The following KIF26B variants were observed in gnomAD, a reference collection of about 807,000 sequenced individuals.
KIF26B encodes kinesin-like protein KIF26B.
A neutral mutation model predicts 151.2 loss-of-function variants in KIF26B; 63 were observed. The ratio of observed to expected loss-of-function variants is 0.42; its 90% confidence interval spans 0.34 to 0.51. The LOEUF (loss-of-function observed/expected upper bound fraction) is 0.51, where lower values mean the gene tolerates loss of function less well. Among genes scored for constraint, KIF26B ranks in the 20% least tolerant of loss-of-function variants. The pLI, the probability that KIF26B is intolerant of heterozygous loss-of-function variation, is 0.07. For synonymous variants in KIF26B, 1,357 were observed against 1,262.1 expected (o/e 1.08, Z -1.59); for missense variants, 2,813 against 2,913.6 (o/e 0.97, Z 0.79).
At chr1:245,469,923 C>G (rs1170634426) in intron 4 of KIF26B, among the ~76,000 whole-genome samples, 2 of 151,646 alleles carry the variant, frequency 1.3e-5, no homozygotes, top group African/African-American at 4.9e-5. Context: ...TGGATTCATG[C>G]CAAATGAGTG....
intron 3 of KIF26B, among the ~76,000 whole-genome samples, chr1:245,416,280 CAAAAAAAA>C (rs34744401): frequency 1.9e-5 from 1 of 51,436 alleles, no homozygotes; most frequent in Non-Finnish European, 4.0e-5. Context: ...AACTCTGTCT[CAAAAAAAA>C]AAAAAAAAAA....
At chr1:245,453,941 C>T (rs1659455026) in intron 4 of KIF26B, among the ~76,000 whole-genome samples, 1 of 152,134 alleles carries the variant, frequency 6.6e-6, no homozygotes, top group Non-Finnish European at 1.5e-5. Context: ...TCAATATTCT[C>T]ATCATGTTCA....
intron 4 of KIF26B, among the ~76,000 whole-genome samples, chr1:245,460,774 CAT>C (rs1485170759): frequency 2.6e-5 from 4 of 152,232 alleles, no homozygotes; most frequent in Non-Finnish European, 5.9e-5. Context: ...CACCTGCACA[CAT>C]GTGTGCTTAC....
chr1:245,202,529 C>T (rs1022149731), intron 2 of KIF26B, among the ~76,000 whole-genome samples: 2 of 151,300 alleles, frequency 1.3e-5, no homozygotes, highest in African/African-American at 2.4e-5. Flanking sequence ...GGGGCCAAGG[C>T]GGGAGGATTC....
At chr1:245,343,351 G>A (rs984855670) in intron 2 of KIF26B, among the ~76,000 whole-genome samples, 1 of 150,990 alleles carries the variant, frequency 6.6e-6, no homozygotes, top group African/African-American at 2.4e-5. Context: ...ACATTAAAAA[G>A]TTCCATGCAA....
At chr1:245,499,750 G>A (rs904989762) in intron 4 of KIF26B, among the ~76,000 whole-genome samples, 1 of 152,222 alleles carries the variant, frequency 6.6e-6, no homozygotes, top group Non-Finnish European at 1.5e-5. Context: ...TGCTGTCCTG[G>A]GCCTGGAGGG....
intron 2 of KIF26B, among the ~76,000 whole-genome samples, chr1:245,273,431 A>C (rs551895862): frequency 2.6e-5 from 4 of 151,916 alleles, no homozygotes; most frequent in Middle Eastern, 3.4e-3. Flanking sequence ...AAAAAAAAAA[A>C]AAAAAAAAAA....
chr1:245,188,745 A>T (rs77233486), intron 2 of KIF26B, among the ~76,000 whole-genome samples: 1 of 152,358 alleles, frequency 6.6e-6, no homozygotes, highest in African/African-American at 2.4e-5. Context: ...CAGGGACTCA[A>T]ACAAATATCT....
chr1:245,549,556 A>T (rs764021614), intron 5 of KIF26B, among the ~76,000 whole-genome samples: 2 of 152,350 alleles, frequency 1.3e-5, no homozygotes, highest in East Asian at 3.9e-4. Context: ...ATGATTTGTT[A>T]TAATTATCCC....
At chr1:245,192,817 G>A (rs1466438923) in intron 2 of KIF26B, among the ~76,000 whole-genome samples, 1 of 152,228 alleles carries the variant, frequency 6.6e-6, no homozygotes, top group Non-Finnish European at 1.5e-5. Context: ...AGGTGCACGT[G>A]TCCCGTTCTG....
intron 5 of KIF26B, among the ~76,000 whole-genome samples, chr1:245,546,284 T>C (rs534189713): frequency 2.6e-5 from 4 of 152,310 alleles, no homozygotes; most frequent in Admixed American, 2.0e-4. Flanking sequence ...TGGCACGATC[T>C]TGGCTCACTG....
Position 245,537,592 on chromosome 1 carries a change from A to G in KIF26B, c.1167-3175A>G, listed in dbSNP as rs1217544785. Among the ~76,000 whole-genome samples the G allele has an allele frequency of 2.0e-5, 3 of 152,320 alleles. No homozygotes were observed. In the East Asian group the frequency reaches 5.8e-4, roughly 29 times the overall value. ...CCAAGATGGTAGTAAAGGTGGTGAG[A>G]GGTGATGGGATCACAGATCTACTTT... On this transcript the variant is annotated intron_variant, in intron 4 of 14. Transcript: ENST00000407071.
intron 2 of KIF26B, among the ~76,000 whole-genome samples, chr1:245,299,320 G>GTTTTTTTTTTT: frequency 9.7e-6 from 1 of 103,194 alleles, no homozygotes; most frequent in Non-Finnish European, 1.9e-5. Context: ...CCAATTCTGG[G>GTTTTTTTTTTT]TTTTTTTTTT....
chr1:245,333,067 C>A (rs1192154435), intron 2 of KIF26B, among the ~76,000 whole-genome samples: 1 of 152,032 alleles, frequency 6.6e-6, no homozygotes, highest in African/African-American at 2.4e-5. Flanking sequence ...AGTCAGCATG[C>A]AGGAGAAAAG....
rs537423601 is a variant in KIF26B at position 245,688,906 on chromosome 1, G to A, written c.5824+99G>A. 1.5e-4 allele frequency: 207 copies of A among 1,396,836 alleles called. 1 individual carries two copies. The highest frequency in any genetic ancestry group is 5.3e-4 in the Admixed American group (19 of 35,932). 86.5% of individuals were successfully genotyped at this position (1,396,836 alleles called of 1,614,324 possible). A position where few individuals can be genotyped will look rare whatever the true frequency, so the allele number is the denominator to read the frequency against. The stretch of plus-strand genomic sequence containing the variant: ...GTGTCCCGTGCCCTGGGGAGGGGGC[G>A]TCCAGGCCTGGCCTCTCCTTGCAGG... On this transcript the variant is annotated intron_variant, in intron 12 of 14. Coordinates refer to ENST00000407071, the MANE Select transcript of KIF26B (RefSeq NM_018012.4).
At chr1:245,267,989 T>A (rs1670778036) in intron 2 of KIF26B, among the ~76,000 whole-genome samples, 1 of 152,028 alleles carries the variant, frequency 6.6e-6, no homozygotes, top group Admixed American at 6.5e-5. Context: ...ACCAGGAAGA[T>A]CCTTAAAGAC....
At chr1:245,653,310 C>T (rs1404668882) in intron 10 of KIF26B, among the ~76,000 whole-genome samples, 2 of 152,190 alleles carry the variant, frequency 1.3e-5, no homozygotes, top group Non-Finnish European at 2.9e-5. Flanking sequence ...GTTCCTAATT[C>T]GTGGACTTGC....
intron 2 of KIF26B, among the ~76,000 whole-genome samples, chr1:245,350,400 A>C (rs1392136991): frequency 6.6e-6 from 1 of 152,020 alleles, no homozygotes; most frequent in African/African-American, 2.4e-5. Flanking sequence ...AAACCCTTCG[A>C]CCTTTTCTGA....
rs58192966 is a variant in KIF26B at position 245,451,585 on chromosome 1, C to CTTTTTTTTTTTTTTTTTTT, written c.1166+31850_1166+31868dup. ...TATAATATGTATCCAGAAGATCTAT[C>CTTTTTTTTTTTTTTTTTTT]TTTTTTTTTTTTTTTTTTTTTTTTT... On this transcript the variant is annotated intron_variant, in intron 4 of 14. Coordinates refer to ENST00000407071, the MANE Select transcript of KIF26B (RefSeq NM_018012.4). Among the ~76,000 whole-genome samples the CTTTTTTTTTTTTTTTTTTT allele has an allele frequency of 3.1e-4, 18 of 58,756 alleles. 2 individuals carry two copies. Among genetic ancestry groups the CTTTTTTTTTTTTTTTTTTT allele is most frequent in the African/African-American group, 1.1e-3 (16 of 14,092 alleles). 38.5% of individuals were successfully genotyped at this position (58,756 alleles called of 152,430 possible).
Sources: allele counts gnomAD v4.1 joint callset (sites outside exome capture counted in the v4.1 genomes callset), GRCh38; gene constraint gnomAD v4.1.1; transcripts MANE v1.5; gene names NCBI Gene and HGNC (gene_info 2026-07-23, HGNC 2026-07-21).